WWTR1: variants seen among roughly 807,000 people sequenced by gnomAD.
WWTR1 encodes the protein WW domain-containing transcription regulator protein 1.
In WWTR1, 13 loss-of-function variants were observed where a neutral mutation model predicts 40.1. That is an observed-to-expected ratio of 0.32 (90% CI 0.21 to 0.52). The LOEUF (loss-of-function observed/expected upper bound fraction) is 0.52, where lower values mean the gene tolerates loss of function less well. Among genes scored for constraint, WWTR1 ranks in the 20% least tolerant of loss-of-function variants. The pLI is 0.97. For synonymous variants in WWTR1, 230 were observed against 210.1 expected, an observed-to-expected ratio of 1.09 and a Z score of -0.82; for missense variants, 436 against 523.1, an observed-to-expected ratio of 0.83 and a Z score of 1.63.
intron 4 of WWTR1, among the ~76,000 whole-genome samples, chr3:149,535,978 A>T (rs556310376): frequency 8.4e-4 from 128 of 152,258 alleles, no homozygotes; most frequent in African/African-American, 2.9e-3. Flanking sequence ...GTGCCACAGC[A>T]CTCCAGCCTA....
chr3:149,616,285 AC>A (rs1359006080), intron 2 of WWTR1, among the ~76,000 whole-genome samples: 2 of 151,998 alleles, frequency 1.3e-5, no homozygotes, highest in Non-Finnish European at 2.9e-5. Context: ...TCCGCTTCCC[AC>A]CCTTTCTTTC....
chr3:149,624,204 C>T (rs966083502), intron 2 of WWTR1, among the ~76,000 whole-genome samples: 7 of 146,122 alleles, frequency 4.8e-5, no homozygotes, highest in Admixed American at 2.0e-4. Flanking sequence ...TTGAAGTGGG[C>T]GGGTGAGGGC....
intron 3 of WWTR1, among the ~76,000 whole-genome samples, chr3:149,543,365 G>C (rs1736210881): frequency 1.3e-5 from 2 of 151,928 alleles, no homozygotes; most frequent in Non-Finnish European, 2.9e-5. Flanking sequence ...AACGGATCAT[G>C]AGGTCAGGAG....
chr3:149,653,242 A>G (rs1212095083), intron 2 of WWTR1, among the ~76,000 whole-genome samples: 3 of 152,222 alleles, frequency 2.0e-5, no homozygotes, highest in Non-Finnish European at 4.4e-5. Context: ...GTTTATGTAT[A>G]GAAAGCATGT....
chr3:149,529,442 C>T, intron 4 of WWTR1, among the ~76,000 whole-genome samples: 1 of 152,110 alleles, frequency 6.6e-6, no homozygotes, highest in East Asian at 1.9e-4. Flanking sequence ...TTAACTTATA[C>T]TGAAATAAAT....
chr3:149,601,464 C>T lies in WWTR1; in HGVS notation c.432-28464G>A, dbSNP rs1965772. Among the ~76,000 whole-genome samples, 520 of 152,296 alleles carry T rather than the reference C, an allele frequency of 3.4e-3. 3 individuals carry two copies. The highest frequency in any genetic ancestry group is 0.012 in the African/African-American group (493 of 41,566). ...CCACCTGCCTCAGCCTCCCAAAATGCTGGGATTATAGGCATGAGGCACCAC... is the reference window on the plus strand; with the variant it reads ...CCACCTGCCTCAGCCTCCCAAAATGTTGGGATTATAGGCATGAGGCACCAC... On this transcript the variant is annotated intron_variant, in intron 2 of 6. Coordinates refer to ENST00000360632, the MANE Select transcript of WWTR1 (RefSeq NM_015472.6).
In WWTR1 at chr3:149,520,653, G is replaced by T; in HGVS notation, c.*152C>A. On this transcript the variant is annotated 3_prime_UTR_variant, in exon 7 of 7. Coordinates refer to ENST00000360632, the MANE Select transcript of WWTR1 (RefSeq NM_015472.6). ...CTTAAGTTACTCTCAATCAAAACCA[G>T]GCAATGATTAAACTGGCAACATAAA... 1 of 593,790 alleles carries T rather than the reference G, an allele frequency of 1.7e-6. No individual in the cohort carries two copies. Among genetic ancestry groups the T allele is most frequent in the Non-Finnish European group, 2.7e-6 (1 of 369,626 alleles). 36.8% of individuals were successfully genotyped at this position (593,790 alleles called of 1,614,324 possible).
chr3:149,576,567 T>C (rs1334090560), intron 2 of WWTR1, among the ~76,000 whole-genome samples: 1 of 152,186 alleles, frequency 6.6e-6, no homozygotes, highest in Non-Finnish European at 1.5e-5. Flanking sequence ...TCTCTGCTGT[T>C]TTAAAAGTAT....
intron 2 of WWTR1, among the ~76,000 whole-genome samples, chr3:149,628,752 ATTTTATTTTATTT>A (rs1225491444): frequency 2.1e-5 from 1 of 46,800 alleles, no homozygotes; most frequent in East Asian, 4.1e-4. Context: ...ATTTTATTTT[ATTTTATTTTATTT>A]TATTTTATTT....
At chr3:149,671,694 A>G (rs899626061) in intron 1 of WWTR1, among the ~76,000 whole-genome samples, 2 of 152,166 alleles carry the variant, frequency 1.3e-5, no homozygotes, top group Non-Finnish European at 2.9e-5. Context: ...AAAGTCTACA[A>G]ATGAGCTCTT....
chr3:149,576,245 C>A (rs540375799), intron 2 of WWTR1: 1 of 373,196 alleles, frequency 2.7e-6, no homozygotes, highest in East Asian at 7.3e-5. Context: ...ACAAGAGGCA[C>A]TTAATACAGC....
chr3:149,527,678 C>T (rs1019668991), intron 5 of WWTR1, among the ~76,000 whole-genome samples, 158 bp downstream of exon 5: 1 of 152,108 alleles, frequency 6.6e-6, no homozygotes, highest in Non-Finnish European at 1.5e-5. Flanking sequence ...ATTTCCCCTG[C>T]TTTTCTTTTT....
chr3:149,534,351 A>T (rs1177849400), intron 4 of WWTR1, among the ~76,000 whole-genome samples: 1 of 152,102 alleles, frequency 6.6e-6, no homozygotes, highest in African/African-American at 2.4e-5. Flanking sequence ...CAGACCTCAA[A>T]TTGTCAACCC....
At position 149,568,523 on chromosome 3, in the gene WWTR1, CAAAAAAAAAA is replaced by C. The variant is rs34414853; in HGVS notation, c.568+4331_568+4340del. On this transcript the variant is annotated intron_variant, in intron 3 of 6. Coordinates refer to ENST00000360632, the MANE Select transcript of WWTR1 (RefSeq NM_015472.6). ...GGAGATGGCTATTTGAATTAAAGTG[CAAAAAAAAAA>C]AAAAAAAAAAAAAAAAAAAAAAAAA... is the stretch of plus-strand genomic sequence containing the variant. Among the ~76,000 whole-genome samples the C allele has an allele frequency of 6.0e-3, 390 of 64,796 alleles. 8 individuals carry two copies. The highest frequency in any genetic ancestry group is 0.017 in the African/African-American group (360 of 20,614). 42.5% of individuals were successfully genotyped at this position (64,796 alleles called of 152,430 possible). A position where few individuals can be genotyped will look rare whatever the true frequency, so the allele number is the denominator to read the frequency against.
intron 2 of WWTR1, among the ~76,000 whole-genome samples, chr3:149,629,471 T>C (rs1711500872): frequency 6.6e-6 from 1 of 152,184 alleles, no homozygotes; most frequent in Non-Finnish European, 1.5e-5. Context: ...GTGTGGCCTG[T>C]AAAAGACTTT....
At chr3:149,571,643 G>A (rs2107995591) in intron 3 of WWTR1, among the ~76,000 whole-genome samples, 1 of 152,314 alleles carries the variant, frequency 6.6e-6, no homozygotes, top group African/African-American at 2.4e-5. Flanking sequence ...GGGTCTACTT[G>A]AGTTCATACT....
Position 149,721,795 on chromosome 3 carries a change from C to T in WWTR1, n.459+2285G>A, listed in dbSNP as rs542715495. 2.0e-5 allele frequency among the ~76,000 whole-genome samples: 3 copies of T among 152,246 alleles called. No homozygotes were observed. In the East Asian group the frequency reaches 5.8e-4, roughly 29 times the overall value. On this transcript the variant is annotated intron_variant and non_coding_transcript_variant, in intron 4 of 6. Transcript: ENST00000474080. Reference sequence around the variant, plus strand: ...CCCAGGCTGGTCTTGAACTCCTGGGCTCAAACGATCCTGTCACTGCAGCTT... The same window carrying T: ...CCCAGGCTGGTCTTGAACTCCTGGGTTCAAACGATCCTGTCACTGCAGCTT...
At chr3:149,602,042 C>T (rs965707363) in intron 2 of WWTR1, among the ~76,000 whole-genome samples, 1 of 152,184 alleles carries the variant, frequency 6.6e-6, no homozygotes, top group Non-Finnish European at 1.5e-5. Flanking sequence ...TGGACTACAT[C>T]TAATTTTCAC....
intron 4 of WWTR1, among the ~76,000 whole-genome samples, chr3:149,533,476 A>G (rs1227491335): frequency 1.3e-5 from 2 of 152,232 alleles, no homozygotes; most frequent in African/African-American, 4.8e-5. Flanking sequence ...GATCTCTTCT[A>G]GCCTAGATTT....
Sources: allele counts gnomAD v4.1 joint callset (sites outside exome capture counted in the v4.1 genomes callset), GRCh38; gene constraint gnomAD v4.1.1; transcripts MANE v1.5; gene names NCBI Gene and HGNC (gene_info 2026-07-23, HGNC 2026-07-21).